The following CLYBL variants were observed in gnomAD, a reference collection of about 807,000 sequenced individuals.
CLYBL encodes citramalyl-CoA lyase, mitochondrial.
A neutral mutation model predicts 38.9 loss-of-function variants in CLYBL; 31 were observed. The observed-to-expected ratio is 0.80, with a 90% CI of 0.60 to 1.08. The LOEUF is 1.08. Ranked by LOEUF, CLYBL falls within the 50% of genes least tolerant of loss-of-function variation. The pLI is 0.00. For synonymous variants in CLYBL, 171 were observed against 158.6 expected, an observed-to-expected ratio of 1.08 and a Z score of -0.59; for missense variants, 434 against 411.6, an observed-to-expected ratio of 1.05 and a Z score of -0.47.
chr13:99,670,234 A>G (rs991637160), intron 1 of CLYBL, among the ~76,000 whole-genome samples: 3 of 152,032 alleles, frequency 2.0e-5, no homozygotes, highest in Non-Finnish European at 4.4e-5. Flanking sequence ...GTGCATGCCT[A>G]TAGTCCCAGC....
intron 1 of CLYBL, among the ~76,000 whole-genome samples, chr13:99,736,043 T>C (rs9517865): frequency 0.015 from 1,983 of 132,498 alleles, 22 homozygotes; most frequent in African/African-American, 0.053. Context: ...CTTTTCTTTT[T>C]TTTTTTTTTT....
Position 99,870,997 on chromosome 13 carries a change from C to G in CLYBL, c.862C>G (p.Pro288Ala). ...AVVQEQFSPS[P>A]EKIKWAEELI... ...GGTCCAGGAGCAGTTTTCTCCTTCCCCTGAAAAAATTAAGTGGGCTGAAGA... is the reference window on the plus strand; with the variant it reads ...GGTCCAGGAGCAGTTTTCTCCTTCCGCTGAAAAAATTAAGTGGGCTGAAGA... The change falls in exon 7 of 9, where the codon CCT becomes GCT. Residue 288 changes from proline to alanine, a missense_variant. By Grantham distance (27) the Pro-to-Ala change is conservative. Coordinates refer to ENST00000339105, the MANE Select transcript of CLYBL (RefSeq NM_206808.5). The G allele has an allele frequency of 1.5e-5, 25 of 1,613,652 alleles. No individual in the cohort carries two copies. Among genetic ancestry groups the G allele is most frequent in the Non-Finnish European group, 1.9e-5 (23 of 1,179,788 alleles).
chr13:99,833,026 ATATATTTTTTT>A (rs1199225139), intron 2 of CLYBL, among the ~76,000 whole-genome samples: 3 of 36,234 alleles, frequency 8.3e-5, no homozygotes, highest in African/African-American at 3.5e-4. Context: ...ATATATATAT[ATATATTTTTTT>A]TTTTTTTTTT....
At chr13:99,883,696 C>G (rs1031016226) in intron 7 of CLYBL, among the ~76,000 whole-genome samples, 13 of 152,088 alleles carry the variant, frequency 8.5e-5, no homozygotes, top group Admixed American at 3.9e-4. Flanking sequence ...TTTTGTGTGT[C>G]TGTTATGTCA....
intron 2 of CLYBL, among the ~76,000 whole-genome samples, chr13:99,797,559 T>TG (rs1263197564): frequency 2.6e-4 from 36 of 138,460 alleles, no homozygotes; most frequent in African/African-American, 5.5e-5. Context: ...ATGTTAGCTG[T>TG]TTGTGTGTGT....
Position 99,831,961 on chromosome 13 carries a change from T to C in CLYBL, c.250-26900T>C, listed in dbSNP as rs114980797. ...ATCTGGTCTTTTGGCCAGAATTTCT[T>C]GGCCTCTTCTCAGAGCTCTGTCTCA... is the stretch of plus-strand genomic sequence containing the variant. On this transcript the variant is annotated intron_variant, in intron 2 of 8. Coordinates refer to ENST00000339105, the MANE Select transcript of CLYBL (RefSeq NM_206808.5). Among the ~76,000 whole-genome samples, 52 of 152,240 alleles carry C rather than the reference T, an allele frequency of 3.4e-4. 1 individual carries two copies. Among genetic ancestry groups the C allele is most frequent in the Non-Finnish European group, 1.5e-5 (1 of 68,038 alleles).
Position 99,675,821 on chromosome 13 carries a change from T to C in CLYBL, c.62+69064T>C, listed in dbSNP as rs866960370. Among the ~76,000 whole-genome samples the C allele has an allele frequency of 3.3e-5, 5 of 152,258 alleles. No homozygotes were observed. In the South Asian group the frequency reaches 1.0e-3, roughly 31 times the overall value. On this transcript the variant is annotated intron_variant, in intron 1 of 8. Coordinates refer to ENST00000339105, the MANE Select transcript of CLYBL (RefSeq NM_206808.5). ...GGTTGTTTCTACTTTTTAGCTATTA[T>C]GAATAATGCTGCTATGAACATTTCT...
intron 2 of CLYBL, among the ~76,000 whole-genome samples, chr13:99,820,835 G>T (rs558223945): frequency 6.6e-6 from 1 of 152,178 alleles, no homozygotes; most frequent in South Asian, 2.1e-4. Context: ...GTGCATTATC[G>T]TGAGCGTCCA....
intron 8 of CLYBL, among the ~76,000 whole-genome samples, chr13:99,904,571 G>A (rs188179005): frequency 2.0e-4 from 30 of 152,280 alleles, no homozygotes; most frequent in Admixed American, 9.8e-4. Context: ...TATAATTTTC[G>A]AAATCAGCCA....
At chr13:99,717,238 C>T (rs1448403328) in intron 1 of CLYBL, among the ~76,000 whole-genome samples, 4 of 151,168 alleles carry the variant, frequency 2.6e-5, no homozygotes, top group Non-Finnish European at 5.9e-5. Flanking sequence ...CCAGCCTGGA[C>T]AACATGGTGA....
intron 6 of CLYBL, 130 bp from the exon 7 acceptor site, chr13:99,870,808 A>C (rs2051869387): frequency 1.1e-6 from 1 of 869,614 alleles, no homozygotes; most frequent in Non-Finnish European, 1.7e-6. Context: ...TTGTTTACTC[A>C]ATAAAAAGTT....
downstream of CLYBL, among the ~76,000 whole-genome samples, chr13:99,898,329 T>C (rs905874760): frequency 6.6e-5 from 10 of 152,176 alleles, no homozygotes; most frequent in African/African-American, 2.2e-4. Context: ...AAAGACTCCA[T>C]ACTCTAGGCA....
Position 99,772,962 on chromosome 13 carries a change from A to G in CLYBL, c.201A>G (p.Val67=), listed in dbSNP as rs767643671. ...TAAAGAAGATTCCATCCCTGAATGT[A>G]GATTGTGCAGTGCTCGACTGTGAGG... is the stretch of plus-strand genomic sequence containing the variant. ...KKIKKIPSLN[V]DCAVLDCEDG... is the part of the protein sequence containing the mutation. Residue 67 remains valine, a synonymous_variant, in exon 2 of 9, where the codon GTA becomes GTG. Transcript: ENST00000339105. 6.2e-7 allele frequency: 1 copy of G among 1,613,688 alleles called. No individual in the cohort carries two copies. Among genetic ancestry groups the G allele is most frequent in the Non-Finnish European group, 8.5e-7 (1 of 1,179,944 alleles).
At chr13:99,813,386 C>G (rs2050380773) in intron 2 of CLYBL, among the ~76,000 whole-genome samples, 1 of 152,190 alleles carries the variant, frequency 6.6e-6, no homozygotes, top group African/African-American at 2.4e-5. Flanking sequence ...AACAGTAATA[C>G]TAGTATTTAT....
intron 1 of CLYBL, among the ~76,000 whole-genome samples, chr13:99,629,799 A>G (rs1308839479): frequency 2.0e-5 from 3 of 152,000 alleles, no homozygotes; most frequent in African/African-American, 4.8e-5. Context: ...CTGGGCTCCT[A>G]TTGCTCAGGG....
chr13:99,797,560 T>TTGTGTGTGTATG (rs2050046956), intron 2 of CLYBL, among the ~76,000 whole-genome samples: 2 of 141,708 alleles, frequency 1.4e-5, no homozygotes, highest in Non-Finnish European at 3.0e-5. Flanking sequence ...TGTTAGCTGT[T>TTGTGTGTGTATG]TGTGTGTGTG....
At position 99,770,141 on chromosome 13, in the gene CLYBL, C is replaced by T. The variant is rs1398565773; in HGVS notation, c.63-2683C>T. ...TGTCGCCCAGGCAGGAGTGCAGTGGCGCGATCTCAGCTCACTGCTCACTGC... is the reference window on the plus strand; with the variant it reads ...TGTCGCCCAGGCAGGAGTGCAGTGGTGCGATCTCAGCTCACTGCTCACTGC... On this transcript the variant is annotated intron_variant, in intron 1 of 8. Coordinates refer to ENST00000339105, the MANE Select transcript of CLYBL (RefSeq NM_206808.5). Among the ~76,000 whole-genome samples, 83 of 139,634 alleles carry T rather than the reference C, an allele frequency of 5.9e-4. 1 individual carries two copies. Among genetic ancestry groups the T allele is most frequent in the Non-Finnish European group, 1.4e-4 (9 of 65,950 alleles). 91.6% of individuals were successfully genotyped at this position (139,634 alleles called of 152,430 possible).
intron 2 of CLYBL, among the ~76,000 whole-genome samples, chr13:99,814,729 GAAAA>G (rs36062611): frequency 1.5e-3 from 186 of 123,842 alleles, no homozygotes; most frequent in African/African-American, 4.9e-3. Flanking sequence ...CCCTGTCTCA[GAAAA>G]AAAAAAAAAA....
chr13:99,827,619 C>T (rs1367489975), intron 2 of CLYBL, among the ~76,000 whole-genome samples: 1 of 152,240 alleles, frequency 6.6e-6, no homozygotes, highest in Non-Finnish European at 1.5e-5. Context: ...CTACCAACCA[C>T]ACTGCCCGCT....
Sources: allele counts gnomAD v4.1 joint callset (sites outside exome capture counted in the v4.1 genomes callset), GRCh38; gene constraint gnomAD v4.1.1; transcripts MANE v1.5; gene names NCBI Gene and HGNC (gene_info 2026-07-23, HGNC 2026-07-21).